Variants in PADI6 observed in about 807,000 individuals in gnomAD.
The protein encoded by PADI6 is peptidyl arginine deiminase 6, also known as inactive protein-arginine deiminase type-6.
A neutral mutation model predicts 78.2 loss-of-function variants in PADI6; 66 were observed. The ratio of observed to expected loss-of-function variants is 0.84; its 90% CI spans 0.69 to 1.04. The LOEUF (loss-of-function observed/expected upper bound fraction) is 1.04. Among genes scored for constraint, PADI6 ranks in the 50% least tolerant of loss-of-function variants. The pLI is 0.00. For synonymous variants in PADI6, 397 were observed against 346.9 expected, an observed-to-expected ratio of 1.14 and a Z score of -1.60; for missense variants, 854 against 866.1, an observed-to-expected ratio of 0.99 and a Z score of 0.18.
At chr1:17,379,182 G>A (rs894525680) in intron 3 of PADI6, among the ~76,000 whole-genome samples, 14 of 134,580 alleles carry the variant, frequency 1.0e-4, no homozygotes, top group Non-Finnish European at 2.1e-4. Context: ...GCGCAATCTC[G>A]GCTCACTGCA....
At position 17,397,042 on chromosome 1, in the gene PADI6, G is replaced by A. The variant is rs368006171; in HGVS notation, c.1619-29G>A. Reference sequence around the variant, plus strand: ...GGGCAGTGCTGCCATTCCCTGACCAGCAGGCCTGCTGCCCGCTTCTTCCTA... The same window carrying A: ...GGGCAGTGCTGCCATTCCCTGACCAACAGGCCTGCTGCCCGCTTCTTCCTA... On this transcript the variant is annotated intron_variant, in intron 13 of 15. Coordinates refer to ENST00000619609, the MANE Select transcript of PADI6 (RefSeq NM_207421.4). 4.3e-6 allele frequency: 7 copies of A among 1,609,426 alleles called. No homozygotes were observed. The African/African-American group carries it at 8.0e-5, about 18-fold the overall frequency.
intron 4 of PADI6, 65 bp downstream of exon 4, chr1:17,380,052 C>G (rs1394951377): frequency 2.0e-6 from 3 of 1,503,806 alleles, no homozygotes; most frequent in Non-Finnish European, 2.8e-6. Context: ...CACAGGCTCA[C>G]TTGATCTGAC....
At chr1:17,373,924 T>C (rs1398545107) in intron 2 of PADI6, among the ~76,000 whole-genome samples, 1 of 152,088 alleles carries the variant, frequency 6.6e-6, no homozygotes, top group Admixed American at 6.5e-5. Flanking sequence ...GTAAGCTGTC[T>C]CCCTAATGGG....
rs148943643 is a variant in PADI6 at position 17,397,005 on chromosome 1, G to A, written c.1619-66G>A. ...CCAGGTGGCTGGGCCTGGCCCGAGT[G>A]TGCCCAGCTCTGGGCAGTGCTGCCA... On this transcript the variant is annotated intron_variant, in intron 13 of 15. Transcript: ENST00000619609. 3.4e-4 allele frequency: 514 copies of A among 1,514,886 alleles called. 1 individual carries two copies. In the African/African-American group the frequency reaches 6.3e-3, roughly 19 times the overall value. 93.8% of individuals were successfully genotyped at this position (1,514,886 alleles called of 1,614,324 possible).
At chr1:17,397,200 G>A (rs2075255650) in intron 14 of PADI6, 59 bp downstream of exon 14, 1 of 1,589,686 alleles carries the variant, frequency 6.3e-7, no homozygotes, top group Non-Finnish European at 8.6e-7. Context: ...AGGTCTTGCA[G>A]GAAGGTTTCC....
Position 17,401,319 on chromosome 1 carries a change from T to C in PADI6, c.1966T>C (p.Phe656Leu). ...KICCLLEPLG[F>L]KCTFINDFDC... ...TTGCTGCTTGCTGGAGCCCCTGGGC[T>C]TCAAGTGCACCTTCATCAATGACTT... Residue 656 changes from phenylalanine to leucine, a missense_variant, in exon 16 of 16, where the codon TTC (phenylalanine) becomes CTC (leucine). Phe to Leu is a conservative substitution (Grantham distance 22). Transcript: ENST00000619609. 6.2e-7 allele frequency: 1 copy of C among 1,614,092 alleles called. No individual in the cohort carries two copies. The highest frequency in any genetic ancestry group is 8.5e-7 in the Non-Finnish European group (1 of 1,179,912).
intron 14 of PADI6, among the ~76,000 whole-genome samples, 175 bp downstream of exon 14, chr1:17,397,316 A>G (rs1160521442): frequency 6.6e-6 from 1 of 152,150 alleles, no homozygotes; most frequent in East Asian, 1.9e-4. Context: ...AGAGCTGGCC[A>G]TATGCCAATG....
intron 9 of PADI6, among the ~76,000 whole-genome samples, chr1:17,393,208 A>G (rs2075206942): frequency 1.3e-5 from 2 of 152,192 alleles, no homozygotes; most frequent in South Asian, 4.1e-4. Context: ...CAGACAGATC[A>G]CAGTGAACAA....
At chr1:17,383,422 C>T (rs1047865417) in intron 6 of PADI6, among the ~76,000 whole-genome samples, 1 of 152,232 alleles carries the variant, frequency 6.6e-6, no homozygotes, top group Non-Finnish European at 1.5e-5. Context: ...TACTCTGGCC[C>T]TGGGAGGCTA....
intron 3 of PADI6, among the ~76,000 whole-genome samples, chr1:17,378,956 G>T (rs6663329): frequency 0.27 from 23,564 of 88,148 alleles, 1,961 homozygotes; most frequent in African/African-American, 0.39. Flanking sequence ...AATTTTTTTT[G>T]GGGGGGGGGA....
intron 6 of PADI6, among the ~76,000 whole-genome samples, chr1:17,382,553 A>T (rs1570131022): frequency 6.6e-6 from 1 of 152,190 alleles, no homozygotes. Flanking sequence ...CATCCCAGCC[A>T]CCACGCCATC....
chr1:17,385,086 G>A (rs998421056), intron 6 of PADI6, among the ~76,000 whole-genome samples: 6 of 152,142 alleles, frequency 3.9e-5, no homozygotes, highest in African/African-American at 7.2e-5. Flanking sequence ...CAGGCTGGGC[G>A]TGGTGGCTCA....
chr1:17,382,095 G>C lies in PADI6; in HGVS notation c.679+3G>C. 1 of 1,613,384 alleles carries C rather than the reference G, an allele frequency of 6.2e-7. No individual in the cohort carries two copies. The highest frequency in any genetic ancestry group is 8.5e-7 in the Non-Finnish European group (1 of 1,179,604). ...GGCGAGAGTCTACTGGCCCCAAAGT[G>C]AGTGTTCTTGTGCCAGCTCCAGCTT... is the stretch of plus-strand genomic sequence containing the variant. On this transcript the variant is annotated splice_donor_region_variant and intron_variant, in intron 6 of 15. Coordinates refer to ENST00000619609, the MANE Select transcript of PADI6 (RefSeq NM_207421.4).
chr1:17,380,643 T>G (rs1471020768), intron 4 of PADI6, among the ~76,000 whole-genome samples: 1 of 151,948 alleles, frequency 6.6e-6, no homozygotes, highest in Admixed American at 6.5e-5. Context: ...AGTACTGGGA[T>G]CAGAACTGAT....
intron 15 of PADI6, among the ~76,000 whole-genome samples, chr1:17,399,729 T>TTA (rs779291133): frequency 2.0e-5 from 3 of 147,690 alleles, no homozygotes; most frequent in Non-Finnish European, 4.5e-5. Flanking sequence ...CCTGCAACTT[T>TTA]AAAAAAAAGA....
intron 15 of PADI6, among the ~76,000 whole-genome samples, chr1:17,399,678 A>C (rs1458771091): frequency 1.3e-5 from 2 of 151,174 alleles, no homozygotes; most frequent in African/African-American, 2.4e-5. Context: ...AGATCACTTG[A>C]ACTCAGGAGT....
rs2075271385 is a variant in PADI6 at position 17,398,666 on chromosome 1, A to ACCCACCCC, written c.1690-13_1690-12insCCCCACCC. The ACCCACCCC allele has an allele frequency of 3.0e-5, 3 of 98,390 alleles. No individual in the cohort carries two copies. The highest frequency in any genetic ancestry group is 8.9e-5 in the African/African-American group (1 of 11,238). 6.1% of individuals were successfully genotyped at this position (98,390 alleles called of 1,614,324 possible). A position where few individuals can be genotyped will look rare whatever the true frequency, so the allele number is the denominator to read the frequency against. On this transcript the variant is annotated intron_variant, in intron 14 of 15. Transcript: ENST00000619609. Reference sequence around the variant, plus strand: ...TCCTTGCTCCCCCGCCCCCCCCCCCACCCACCCACCCACCCACAGAAGTGC... The same window carrying ACCCACCCC: ...TCCTTGCTCCCCCGCCCCCCCCCCCACCCACCCCCCCACCCACCCACCCACAGAAGTGC...
At chr1:17,383,086 C>A (rs1262217938) in intron 6 of PADI6, among the ~76,000 whole-genome samples, 4 of 152,356 alleles carry the variant, frequency 2.6e-5, no homozygotes, top group East Asian at 1.9e-4. Context: ...CCCGGCCCAA[C>A]CTGCCACCTT....
chr1:17,379,259 G>T (rs527740866), intron 3 of PADI6, among the ~76,000 whole-genome samples: 10 of 149,086 alleles, frequency 6.7e-5, no homozygotes, highest in African/African-American at 2.6e-4. Context: ...GACTACAGGC[G>T]CCCGCCACCT....
Sources: allele counts gnomAD v4.1 joint callset (sites outside exome capture counted in the v4.1 genomes callset), GRCh38; gene constraint gnomAD v4.1.1; transcripts MANE v1.5; gene names NCBI Gene and HGNC (gene_info 2026-07-23, HGNC 2026-07-21).